SLC9C1: variants seen among roughly 807,000 people sequenced by gnomAD.
SLC9C1 encodes sodium/hydrogen exchanger 10.
A neutral mutation model predicts 140.9 loss-of-function variants in SLC9C1; 97 were observed. That is an observed-to-expected ratio of 0.69 (90% CI 0.58 to 0.82). The LOEUF (loss-of-function observed/expected upper bound fraction) is 0.82. Among genes scored for constraint, SLC9C1 ranks in the 40% least tolerant of loss-of-function variants. SLC9C1 has a pLI of 0.00. For missense variants in SLC9C1, 1,340 were observed against 1,389.3 expected (o/e 0.96, Z 0.56); for synonymous variants, 440 against 442.6 (o/e 0.99, Z 0.07).
Position 112,221,153 on chromosome 3 carries a change from C to G in SLC9C1, c.1645G>C (p.Glu549Gln), listed in dbSNP as rs1236637030. ...TTTCCCTTCTTCTCACCAAAACTTT[C>G]TGCTGCACCAACCAACACCTGGACA... is the stretch of plus-strand genomic sequence containing the variant. The part of the protein sequence containing the change: ...SAVQVLVGAA[E>Q]SFGEKKGKCM... The change falls in exon 14 of 29, where the codon GAA becomes CAA. Residue 549 changes from glutamate (E) to glutamine (Q), a missense_variant. Transcript: ENST00000305815. 3 of 1,613,686 alleles carry G rather than the reference C, an allele frequency of 1.9e-6. No homozygotes were observed. The highest frequency in any genetic ancestry group is 2.5e-6 in the Non-Finnish European group (3 of 1,179,722).
chr3:112,163,558 C>T (rs1209817484), intron 26 of SLC9C1, among the ~76,000 whole-genome samples: 1 of 152,042 alleles, frequency 6.6e-6, no homozygotes, highest in African/African-American at 2.4e-5. Context: ...GCAGGTTGTT[C>T]AGTTTCCATA....
chr3:112,246,617 A>C (rs2079292000), intron 10 of SLC9C1, among the ~76,000 whole-genome samples: 1 of 152,150 alleles, frequency 6.6e-6, no homozygotes. Context: ...GTGTATATGC[A>C]CACAGTGTTG....
At chr3:112,211,630 G>A (rs945463088) in intron 15 of SLC9C1, among the ~76,000 whole-genome samples, 5 of 152,312 alleles carry the variant, frequency 3.3e-5, no homozygotes, top group African/African-American at 7.2e-5. Flanking sequence ...GTCTGAGATC[G>A]AACTGCAAGG....
At chr3:112,179,856 A>G (rs958856456) in intron 22 of SLC9C1, among the ~76,000 whole-genome samples, 155 bp from the exon 23 acceptor site, 1 of 152,212 alleles carries the variant, frequency 6.6e-6, no homozygotes, top group African/African-American at 2.4e-5. Context: ...TAAAATTATT[A>G]AATTAGCAAT....
intron 12 of SLC9C1, among the ~76,000 whole-genome samples, chr3:112,234,734 A>T (rs1387014613): frequency 2.6e-5 from 4 of 152,202 alleles, no homozygotes; most frequent in Non-Finnish European, 5.9e-5. Flanking sequence ...TTAAATAGGG[A>T]ATCCTTTCTC....
chr3:112,168,924 G>A lies in SLC9C1; in HGVS notation c.3190C>T (p.Arg1064Ter), dbSNP rs202229232. The A allele has an allele frequency of 2.2e-4, 345 of 1,601,510 alleles. No homozygotes were observed. Among genetic ancestry groups the A allele is most frequent in the Middle Eastern group, 5.0e-4 (3 of 5,992 alleles). Residue 1064 changes from arginine to a stop codon, truncating the protein, a stop_gained, in exon 25 of 29, where the codon CGA (arginine) becomes TGA (stop). Transcript: ENST00000305815. LOFTEE classifies it high-confidence loss of function. ...IHGAVEDCLL[R>*]KTYRAPFLIP... The stretch of plus-strand genomic sequence containing the variant: ...AAGAAAGGTGCTCTATAAGTTTTTC[G>A]TAACAGACAATCTTCTACAGCTCCA...
chr3:112,233,342 C>G (rs1022332689), intron 12 of SLC9C1, among the ~76,000 whole-genome samples: 2 of 152,128 alleles, frequency 1.3e-5, no homozygotes, highest in African/African-American at 4.8e-5. Context: ...GTTAAGATTA[C>G]AGGCATGAGC....
intron 10 of SLC9C1, among the ~76,000 whole-genome samples, chr3:112,250,438 TGGC>T: frequency 7.4e-6 from 1 of 135,886 alleles, no homozygotes. Context: ...AGTAATGGGA[TGGC>T]TGGGTCAAAT....
At chr3:112,197,412 T>A (rs2077794321) in intron 20 of SLC9C1, among the ~76,000 whole-genome samples, 2 of 152,086 alleles carry the variant, frequency 1.3e-5, no homozygotes, top group Admixed American at 1.3e-4. Context: ...GTCATCAGAG[T>A]ACAGATGCAA....
Position 112,200,939 on chromosome 3 carries a change from G to A in SLC9C1, c.2323-177C>T, listed in dbSNP as rs572629000. Among the ~76,000 whole-genome samples, 4 of 152,182 alleles carry A rather than the reference G, an allele frequency of 2.6e-5. No homozygotes were observed. The East Asian group carries it at 7.7e-4, about 29-fold the overall frequency. On this transcript the variant is annotated intron_variant, in intron 18 of 28. Transcript: ENST00000305815. ...CGCAGCACTTTTTGCTTCAGCTAAA[G>A]TAATAGAGAAGATAAGAGGTATAAC... is the stretch of plus-strand genomic sequence containing the variant.
chr3:112,283,828 C>T (rs1337874216), intron 2 of SLC9C1, among the ~76,000 whole-genome samples: 1 of 117,364 alleles, frequency 8.5e-6, no homozygotes, highest in Non-Finnish European at 1.7e-5. Flanking sequence ...GCTCTTTAGT[C>T]CACAAATCAC....
chr3:112,244,164 C>T (rs1046953324), intron 10 of SLC9C1, 88 bp from the exon 11 acceptor site: 9 of 801,012 alleles, frequency 1.1e-5, no homozygotes, highest in Non-Finnish European at 1.7e-5. Flanking sequence ...AGCTATTTTC[C>T]AATATAAATT....
At chr3:112,245,366 A>G (rs1173185359) in intron 10 of SLC9C1, among the ~76,000 whole-genome samples, 1 of 151,928 alleles carries the variant, frequency 6.6e-6, no homozygotes, top group Non-Finnish European at 1.5e-5. Flanking sequence ...TTGATTTTAT[A>G]TTTAAGTCTA....
At chr3:112,275,142 GTAAGT>G (rs1365787679) in intron 5 of SLC9C1, 117 bp from the exon 6 acceptor site, 7 of 1,056,422 alleles carry the variant, frequency 6.6e-6, no homozygotes, top group Admixed American at 3.9e-5. Flanking sequence ...TGGATTTACT[GTAAGT>G]TAAGTTTAGA....
chr3:112,180,324 C>A (rs2077415244), intron 22 of SLC9C1, among the ~76,000 whole-genome samples: 2 of 152,134 alleles, frequency 1.3e-5, no homozygotes, highest in African/African-American at 2.4e-5. Flanking sequence ...GAGTTTGAGA[C>A]CAGCCTGGCT....
chr3:112,197,838 T>A (rs1254410149), intron 20 of SLC9C1, among the ~76,000 whole-genome samples: 1 of 152,154 alleles, frequency 6.6e-6, no homozygotes, highest in South Asian at 2.1e-4. Context: ...GTTTATTAAA[T>A]TAACTGATTA....
Position 112,277,804 on chromosome 3 carries a change from A to C in SLC9C1, c.375T>G (p.His125Gln), listed in dbSNP as rs1413348007. The C allele has an allele frequency of 6.2e-7, 1 of 1,612,088 alleles. No homozygotes were observed. Among genetic ancestry groups the C allele is most frequent in the East Asian group, 2.2e-5 (1 of 44,860 alleles). ...AAAGTAATTGATTTACAGATGCCAG[A>C]TGCCAAAGAACTAAGATATAATTAA... is the stretch of plus-strand genomic sequence containing the variant. Reference protein sequence around the residue: ...FLVNYILVLWHLASVNQLLLK... With the variant: ...FLVNYILVLWQLASVNQLLLK... Residue 125 changes from histidine to glutamine, a missense_variant, in exon 5 of 29, where the codon CAT becomes CAG. By Grantham distance (24) the His-to-Gln change is conservative (BLOSUM62 0). Transcript: ENST00000305815.
At chr3:112,154,561 G>A (rs1317652631) in intron 27 of SLC9C1, among the ~76,000 whole-genome samples, 1 of 152,164 alleles carries the variant, frequency 6.6e-6, no homozygotes. Context: ...TTATTATTGA[G>A]CTCCTTCTTT....
chr3:112,238,322 A>T (rs1486832487), intron 12 of SLC9C1, among the ~76,000 whole-genome samples: 1 of 151,992 alleles, frequency 6.6e-6, no homozygotes, highest in Non-Finnish European at 1.5e-5. Context: ...TCCTTTAAGG[A>T]CTTCTCTGCA....
Sources: allele counts gnomAD v4.1 joint callset (sites outside exome capture counted in the v4.1 genomes callset), GRCh38; gene constraint gnomAD v4.1.1; transcripts MANE v1.5; gene names NCBI Gene and HGNC (gene_info 2026-07-23, HGNC 2026-07-21).